PKNOX2: variants seen among roughly 807,000 people sequenced by gnomAD.
The protein encoded by PKNOX2 is homeobox protein PKNOX2.
PKNOX2 carries 14 observed loss-of-function variants against 53.1 expected under a neutral mutation model. The ratio of observed to expected loss-of-function variants is 0.26; its 90% CI spans 0.17 to 0.41. PKNOX2 has a LOEUF of 0.41. Among genes scored for constraint, PKNOX2 ranks in the 10% least tolerant of loss-of-function variants. The pLI is 1.00. For missense variants in PKNOX2, 496 were observed against 602.8 expected (o/e 0.82, Z 1.85); for synonymous variants, 257 against 242.8 (o/e 1.06, Z -0.54).
chr11:125,428,169 G>C (rs1956518693), intron 10 of PKNOX2, among the ~76,000 whole-genome samples: 1 of 152,174 alleles, frequency 6.6e-6, no homozygotes, highest in Non-Finnish European at 1.5e-5. Context: ...AGCACAGTCT[G>C]AGAGAGGGAG....
chr11:125,189,449 A>ATATG (rs1565465157), intron 1 of PKNOX2, among the ~76,000 whole-genome samples: 3 of 57,058 alleles, frequency 5.3e-5, no homozygotes, highest in African/African-American at 2.6e-4. Context: ...GTGTGTGTGT[A>ATATG]TATATATATA....
chr11:125,394,155 G>A (rs1010655740), intron 6 of PKNOX2, among the ~76,000 whole-genome samples: 2 of 152,128 alleles, frequency 1.3e-5, no homozygotes, highest in African/African-American at 4.8e-5. Context: ...ATCCAGCAAC[G>A]CATATGTGTT....
At chr11:125,387,950 G>A (rs999436609) in intron 6 of PKNOX2, among the ~76,000 whole-genome samples, 4 of 152,098 alleles carry the variant, frequency 2.6e-5, no homozygotes, top group Admixed American at 6.5e-5. Flanking sequence ...CACCTATCTC[G>A]TGTGATGGTA....
At chr11:125,353,819 G>A (rs2136213512) in intron 4 of PKNOX2, among the ~76,000 whole-genome samples, 1 of 152,310 alleles carries the variant, frequency 6.6e-6, no homozygotes, top group Admixed American at 6.5e-5. Flanking sequence ...CTTGATGAAG[G>A]CACTAGGCTA....
intron 1 of PKNOX2, among the ~76,000 whole-genome samples, chr11:125,196,308 G>A (rs893704947): frequency 5.9e-5 from 9 of 152,192 alleles, no homozygotes; most frequent in Non-Finnish European, 5.9e-5. Flanking sequence ...TGACTGTGTC[G>A]GGGCTGGGCT....
At chr11:125,222,809 G>GTA (rs1392160192) in intron 1 of PKNOX2, among the ~76,000 whole-genome samples, 1 of 151,968 alleles carries the variant, frequency 6.6e-6, no homozygotes, top group Non-Finnish European at 1.5e-5. Flanking sequence ...GTGTGCGTGT[G>GTA]TATGTGTGTG....
intron 2 of PKNOX2, among the ~76,000 whole-genome samples, chr11:125,285,209 G>A (rs1946820191): frequency 6.6e-6 from 1 of 152,094 alleles, no homozygotes; most frequent in South Asian, 2.1e-4. Context: ...CAGAGACAGA[G>A]CCTGAACCAG....
At chr11:125,171,021 C>A (rs1324291051) in intron 1 of PKNOX2, among the ~76,000 whole-genome samples, 20 of 152,104 alleles carry the variant, frequency 1.3e-4, no homozygotes, top group African/African-American at 4.8e-4. Context: ...CAGAAAGCGG[C>A]CACAGAAGCA....
chr11:125,250,087 A>C (rs1180290204), intron 2 of PKNOX2, among the ~76,000 whole-genome samples: 4 of 151,148 alleles, frequency 2.6e-5, no homozygotes, highest in South Asian at 2.1e-4. Context: ...AAAAAAAAAA[A>C]AAAACAATTT....
At chr11:125,168,415 T>G (rs766361648) in intron 1 of PKNOX2, among the ~76,000 whole-genome samples, 14 of 152,256 alleles carry the variant, frequency 9.2e-5, no homozygotes, top group Non-Finnish European at 1.6e-4. Flanking sequence ...ACCAGTTGCC[T>G]GGAAGTTCAG....
intron 2 of PKNOX2, among the ~76,000 whole-genome samples, chr11:125,312,114 CAG>C (rs1240892547): frequency 1.3e-5 from 2 of 152,160 alleles, no homozygotes; most frequent in African/African-American, 4.8e-5. Flanking sequence ...ATGGGAAAAA[CAG>C]TGCGTAACTT....
At position 125,396,421 on chromosome 11, in the gene PKNOX2, A is replaced by G. The variant is rs1954404476; in HGVS notation, c.400-1453A>G. Among the ~76,000 whole-genome samples the G allele has an allele frequency of 2.0e-5, 3 of 152,164 alleles. No individual in the cohort carries two copies. In the South Asian group the frequency reaches 6.2e-4, roughly 32 times the overall value. On this transcript the variant is annotated intron_variant, in intron 6 of 12. Coordinates refer to ENST00000298282, the MANE Select transcript of PKNOX2 (RefSeq NM_001382323.2). The stretch of plus-strand genomic sequence containing the variant: ...AGGTATGAGGTTTAAATCAAGATTC[A>G]GTTTTTTTGCATGTGGATGTCTAAT...
intron 2 of PKNOX2, among the ~76,000 whole-genome samples, chr11:125,247,243 G>A (rs556433625): frequency 5.9e-5 from 9 of 152,090 alleles, no homozygotes; most frequent in Non-Finnish European, 7.4e-5. Context: ...TCTTTGCCTC[G>A]AATGCCCTCT....
At chr11:125,362,274 C>G (rs1951965742) in intron 4 of PKNOX2, among the ~76,000 whole-genome samples, 2 of 152,166 alleles carry the variant, frequency 1.3e-5, no homozygotes, top group African/African-American at 4.8e-5. Flanking sequence ...TCAGAAGGCC[C>G]TCTGTGGGCT....
At chr11:125,411,592 G>A in intron 9 of PKNOX2, 154 bp from the exon 10 acceptor site, 2 of 1,103,546 alleles carry the variant, frequency 1.8e-6, no homozygotes, top group East Asian at 3.0e-5. Flanking sequence ...TGAGGGGCTG[G>A]CATGGGCTGA....
chr11:125,378,013 C>T (rs939699879), intron 5 of PKNOX2, among the ~76,000 whole-genome samples: 1 of 152,236 alleles, frequency 6.6e-6, no homozygotes, highest in African/African-American at 2.4e-5. Context: ...TACTGCCCTC[C>T]TCTGAAAGGG....
At chr11:125,426,172 T>C (rs889030911) in intron 10 of PKNOX2, among the ~76,000 whole-genome samples, 2 of 152,216 alleles carry the variant, frequency 1.3e-5, no homozygotes, top group Non-Finnish European at 2.9e-5. Flanking sequence ...TGGAGGCCGT[T>C]AATAGTGGAA....
intron 1 of PKNOX2, among the ~76,000 whole-genome samples, chr11:125,200,927 G>GTC (rs1212806420): frequency 1.3e-5 from 2 of 152,208 alleles, no homozygotes; most frequent in Non-Finnish European, 2.9e-5. Flanking sequence ...TGGGCAGGGG[G>GTC]TCTCTGCCTT....
chr11:125,384,753 C>G (rs780625704), intron 5 of PKNOX2, among the ~76,000 whole-genome samples: 1 of 152,086 alleles, frequency 6.6e-6, no homozygotes, highest in Non-Finnish European at 1.5e-5. Context: ...TGTCATAGAA[C>G]CCCCCGCCCC....
Sources: gnomAD v4.1 joint callset for allele counts (sites outside exome capture counted in the v4.1 genomes callset) on GRCh38, gnomAD v4.1.1 for gene constraint, MANE v1.5 for transcripts, NCBI Gene and HGNC (gene_info 2026-07-23, HGNC 2026-07-21) for gene names.